HIRA: variants seen among roughly 807,000 people sequenced by gnomAD.
HIRA encodes the protein histone cell cycle regulator, also known as protein HIRA.
A neutral mutation model predicts 126.6 loss-of-function variants in HIRA; 13 were observed. That is an observed-to-expected ratio of 0.10 (90% CI 0.07 to 0.16). HIRA has a LOEUF of 0.16. Ranked by LOEUF, HIRA falls within the 10% of genes least tolerant of loss-of-function variation. The pLI, the probability that HIRA is intolerant of heterozygous loss-of-function variation, is 1.00. For missense variants in HIRA, 834 were observed against 1,314.4 expected (o/e 0.63, Z 5.65); for synonymous variants, 511 against 520.0 (o/e 0.98, Z 0.24).
intron 15 of HIRA, among the ~76,000 whole-genome samples, chr22:19,368,475 G>A (rs535770941): frequency 2.0e-4 from 31 of 151,650 alleles, no homozygotes; most frequent in African/African-American, 7.5e-4. Context: ...CAAAGAGCTT[G>A]TTTTACTATG....
At chr22:19,429,472 G>C (rs1051789644) in intron 1 of HIRA, among the ~76,000 whole-genome samples, 5 of 152,130 alleles carry the variant, frequency 3.3e-5, no homozygotes, top group Non-Finnish European at 7.4e-5. Context: ...GATTTCTAAA[G>C]CACTTAACAG....
rs559676682 is a variant in HIRA at position 19,427,186 on chromosome 22, C to G, written c.37+4254G>C. ...CGATGTTTAACAGATTTGTCCCCTA[C>G]CCACTTGATACCAGTAGCACGTACC... On this transcript the variant is annotated intron_variant, in intron 1 of 24. Transcript: ENST00000263208. Among the ~76,000 whole-genome samples the G allele has an allele frequency of 2.0e-5, 3 of 152,318 alleles. No homozygotes were observed. The South Asian group carries it at 6.2e-4, about 32-fold the overall frequency.
rs556583998 is a variant in HIRA at position 19,377,335 on chromosome 22, G to A, written c.1613+534C>T. Among the ~76,000 whole-genome samples, 6 of 152,328 alleles carry A rather than the reference G, an allele frequency of 3.9e-5. No individual in the cohort carries two copies. The East Asian group carries it at 7.7e-4, about 20-fold the overall frequency. On this transcript the variant is annotated intron_variant, in intron 14 of 24. Transcript: ENST00000263208. ...AACCCAGAGCAGGTGCTGAGCAAAC[G>A]TTCACTCCTGGCTTTCATTTGTGCT...
chr22:19,363,253 C>CA (rs1261165844), intron 15 of HIRA, among the ~76,000 whole-genome samples: 3 of 148,624 alleles, frequency 2.0e-5, no homozygotes, highest in East Asian at 2.0e-4. Context: ...ACAAAAAAAA[C>CA]AAAAAAAAGA....
At chr22:19,363,188 C>G (rs1442007887) in intron 15 of HIRA, among the ~76,000 whole-genome samples, 1 of 149,424 alleles carries the variant, frequency 6.7e-6, no homozygotes, top group African/African-American at 2.5e-5. Context: ...GAGTCAAGAT[C>G]GTGCCACTGC....
At chr22:19,400,836 T>C (rs2089262344) in intron 5 of HIRA, among the ~76,000 whole-genome samples, 1 of 152,130 alleles carries the variant, frequency 6.6e-6, no homozygotes, top group African/African-American at 2.4e-5. Context: ...CCCACGGTCA[T>C]GTCCAGAGGC....
chr22:19,351,760 G>T lies in HIRA; in HGVS notation c.2849-314C>A, dbSNP rs571347348. Among the ~76,000 whole-genome samples, 1 of 152,160 alleles carries T rather than the reference G, an allele frequency of 6.6e-6. No homozygotes were observed. Among genetic ancestry groups the T allele is most frequent in the Non-Finnish European group, 1.5e-5 (1 of 68,040 alleles). ...GATAAACTCCTTAAGGTGATGGGAAGATATGGGAAATTGTGGGCTGGTGAG... is the reference window on the plus strand; with the variant it reads ...GATAAACTCCTTAAGGTGATGGGAATATATGGGAAATTGTGGGCTGGTGAG... On this transcript the variant is annotated intron_variant, in intron 23 of 24. Transcript: ENST00000263208. The surrounding 1 kb of genome is among the most constrained non-coding windows in gnomAD (Gnocchi z 4.8).
chr22:19,354,015 T>C lies in HIRA; in HGVS notation c.2665A>G (p.Ile889Val), dbSNP rs1025444477. 2.1e-5 allele frequency: 34 copies of C among 1,613,240 alleles called. No homozygotes were observed. The highest frequency in any genetic ancestry group is 2.7e-5 in the African/African-American group (2 of 74,888). Residue 889 changes from isoleucine to valine, a missense_variant, in exon 22 of 25, where the codon ATC becomes GTC. Around this residue, in one of 5 missense-constraint regions of HIRA, gnomAD observed 468 missense variants for 574.2 expected, o/e 0.82. Coordinates refer to ENST00000263208, the MANE Select transcript of HIRA (RefSeq NM_003325.4). ...AMLCSGPLAIIQGRTSNSGRQ... is the reference protein window; with the variant it reads ...AMLCSGPLAIVQGRTSNSGRQ... ...ACGTACTTGGAGGTGCGGCCCTGGA[T>C]TATGGCTAACGGTCCTGAGCACAGC...
chr22:19,375,864 T>C (rs1313499237), intron 14 of HIRA, 72 bp from the exon 15 acceptor site: 9 of 1,499,992 alleles, frequency 6.0e-6, no homozygotes, highest in Non-Finnish European at 7.3e-6. Context: ...ATTTGCATTA[T>C]TTGGAGCCTA....
At chr22:19,427,957 T>C (rs1342936167) in intron 1 of HIRA, among the ~76,000 whole-genome samples, 1 of 152,230 alleles carries the variant, frequency 6.6e-6, no homozygotes, top group African/African-American at 2.4e-5. Flanking sequence ...GAGAATACTG[T>C]ATCCAAGAAC....
At chr22:19,357,593 G>A (rs761338872) in intron 18 of HIRA, among the ~76,000 whole-genome samples, 3 of 152,222 alleles carry the variant, frequency 2.0e-5, no homozygotes, top group Admixed American at 6.5e-5. Context: ...AGCTTCTCCC[G>A]AGTGACCACC....
intron 24 of HIRA, among the ~76,000 whole-genome samples, chr22:19,346,752 C>T (rs1320577372): frequency 6.6e-6 from 1 of 152,170 alleles, no homozygotes; most frequent in African/African-American, 2.4e-5. Context: ...CTTCCCTGAT[C>T]TTGGACATGG....
intron 1 of HIRA, among the ~76,000 whole-genome samples, chr22:19,426,447 C>A (rs28552452): frequency 0.031 from 4,654 of 152,266 alleles, 146 homozygotes; most frequent in South Asian, 0.13. Flanking sequence ...TGCTGTAGCG[C>A]CTTCTCTGCC....
At chr22:19,379,173 C>T (rs1379561282) in intron 13 of HIRA, among the ~76,000 whole-genome samples, 12 of 151,534 alleles carry the variant, frequency 7.9e-5, no homozygotes, top group Admixed American at 2.6e-4. Context: ...CCACCATGCC[C>T]GGCTAATTTT....
intron 13 of HIRA, among the ~76,000 whole-genome samples, chr22:19,379,406 C>T (rs1489417764): frequency 6.6e-6 from 1 of 150,776 alleles, no homozygotes; most frequent in Non-Finnish European, 1.5e-5. Flanking sequence ...GCGGGTGGAT[C>T]ACGAGGTCAA....
At chr22:19,422,164 T>TTA (rs71766212) in intron 1 of HIRA, among the ~76,000 whole-genome samples, 68 of 121,410 alleles carry the variant, frequency 5.6e-4, no homozygotes, top group Middle Eastern at 4.3e-3. Flanking sequence ...AAGAATGTGT[T>TTA]TATATATACA....
intron 7 of HIRA, 40 bp downstream of exon 7, chr22:19,396,747 C>T: frequency 6.2e-7 from 1 of 1,603,096 alleles, no homozygotes. Context: ...GAGGCTGGGG[C>T]AGCTGCGGGG....
intron 2 of HIRA, among the ~76,000 whole-genome samples, chr22:19,410,425 C>T (rs5748186): frequency 0.04 from 6,073 of 152,268 alleles, 266 homozygotes; most frequent in East Asian, 0.13. Context: ...GACCACCTAC[C>T]GCTCTCGATG....
In HIRA at chr22:19,353,533, G is replaced by T; in HGVS notation, c.2685-14C>A. On this transcript the variant is annotated splice_polypyrimidine_tract_variant and intron_variant, in intron 22 of 24. Coordinates refer to ENST00000263208, the MANE Select transcript of HIRA (RefSeq NM_003325.4). ...TGCCTTCCCGAGCTGCAGAGACCAG[G>T]AGAGTTTCCATGATGGGGCAGCAGG... The T allele has an allele frequency of 6.3e-7, 1 of 1,589,442 alleles. No individual in the cohort carries two copies. The highest frequency in any genetic ancestry group is 8.6e-7 in the Non-Finnish European group (1 of 1,168,588).
Sources: gnomAD v4.1 joint callset for allele counts (sites outside exome capture counted in the v4.1 genomes callset) on GRCh38, gnomAD v4.1.1 for gene constraint, gnomAD v4.1.1 regional missense constraint, Gnocchi (gnomAD v3.1) non-coding constraint, MANE v1.5 for transcripts, NCBI Gene and HGNC (gene_info 2026-07-23, HGNC 2026-07-21) for gene names.